The following PTPRD variants were observed in gnomAD, a reference collection of about 807,000 sequenced individuals.
The protein encoded by PTPRD is receptor-type tyrosine-protein phosphatase delta.
A neutral mutation model predicts 214.5 loss-of-function variants in PTPRD; 34 were observed. That is an observed-to-expected ratio of 0.16 (90% CI 0.12 to 0.21). The LOEUF is 0.21. Ranked by LOEUF, PTPRD falls within the 10% of genes least tolerant of loss-of-function variation. PTPRD has a pLI of 1.00. For missense variants in PTPRD, 2,545 were observed against 2,398.7 expected, an observed-to-expected ratio of 1.06 and a Z score of -1.27; for synonymous variants, 1,128 against 845.7, an observed-to-expected ratio of 1.33 and a Z score of -5.79.
intron 10 of PTPRD, among the ~76,000 whole-genome samples, chr9:9,106,462 T>A (rs2099798688): frequency 6.6e-6 from 1 of 151,680 alleles, no homozygotes; most frequent in African/African-American, 2.4e-5. Flanking sequence ...TAAATATGCC[T>A]AAAGTTAATA....
chr9:10,355,307 A>T (rs2097256461), intron 2 of PTPRD, among the ~76,000 whole-genome samples: 1 of 152,102 alleles, frequency 6.6e-6, no homozygotes, highest in Non-Finnish European at 1.5e-5. Context: ...TTGGTCAACT[A>T]AATTTGGGAA....
chr9:9,190,772 T>C (rs1162710017), intron 9 of PTPRD, among the ~76,000 whole-genome samples: 2 of 152,082 alleles, frequency 1.3e-5, no homozygotes, highest in South Asian at 2.1e-4. Context: ...CCATGATAGA[T>C]AAGTGGTGTG....
At chr9:9,743,731 T>TACGCACAC (rs1554959143) in intron 6 of PTPRD, among the ~76,000 whole-genome samples, 1 of 80,430 alleles carries the variant, frequency 1.2e-5, no homozygotes, top group Non-Finnish European at 2.3e-5. Context: ...ACTCAGTCTA[T>TACGCACAC]ACACACACAC....
At chr9:8,983,045 G>GA (rs1389078234) in intron 11 of PTPRD, among the ~76,000 whole-genome samples, 1 of 151,652 alleles carries the variant, frequency 6.6e-6, no homozygotes, top group Non-Finnish European at 1.5e-5. Context: ...ATGTACTGTG[G>GA]AAAAAAATCT....
At chr9:10,042,168 T>G (rs1467293240) in intron 3 of PTPRD, among the ~76,000 whole-genome samples, 2 of 151,972 alleles carry the variant, frequency 1.3e-5, no homozygotes, top group Non-Finnish European at 2.9e-5. Flanking sequence ...TGTAGGCATA[T>G]AAAAGATAAG....
chr9:8,529,727 A>G lies in PTPRD; in HGVS notation c.353-948T>C, dbSNP rs540937015. Among the ~76,000 whole-genome samples, 8 of 152,282 alleles carry G rather than the reference A, an allele frequency of 5.3e-5. No homozygotes were observed. The East Asian group carries it at 1.5e-3, about 29-fold the overall frequency. On this transcript the variant is annotated intron_variant, in intron 14 of 45. Coordinates refer to ENST00000381196, the MANE Select transcript of PTPRD (RefSeq NM_002839.4). Reference sequence around the variant, plus strand: ...AAAGGTGTGTTCTATCTAAGCATCGAAAGAATTTTAGTTAGATGGGTGGCA... The same window carrying G: ...AAAGGTGTGTTCTATCTAAGCATCGGAAGAATTTTAGTTAGATGGGTGGCA...
chr9:8,984,685 C>G (rs1229929878), intron 11 of PTPRD, among the ~76,000 whole-genome samples: 3 of 152,106 alleles, frequency 2.0e-5, no homozygotes, highest in African/African-American at 7.2e-5. Flanking sequence ...CAGAAGTCAT[C>G]TGCAGCCTTG....
chr9:9,351,306 C>T (rs1053921384), intron 9 of PTPRD, among the ~76,000 whole-genome samples: 1 of 152,014 alleles, frequency 6.6e-6, no homozygotes, highest in African/African-American at 2.4e-5. Flanking sequence ...CACAGAATAA[C>T]TGGCACCTGA....
At chr9:9,815,470 G>T (rs2761739) in intron 5 of PTPRD, among the ~76,000 whole-genome samples, 82,439 of 151,830 alleles carry the variant, frequency 0.54, 25,765 homozygotes, top group East Asian at 0.88. Flanking sequence ...GATTTTTTTA[G>T]ATGACACCGA....
At chr9:9,124,453 G>C (rs1250409401) in intron 10 of PTPRD, among the ~76,000 whole-genome samples, 1 of 151,956 alleles carries the variant, frequency 6.6e-6, no homozygotes, top group Admixed American at 6.6e-5. Flanking sequence ...AATATGGTTG[G>C]TCAAAGACAG....
intron 9 of PTPRD, among the ~76,000 whole-genome samples, chr9:9,333,512 A>ATATATATATATATATATATATATG (rs1162504359): frequency 1.4e-5 from 2 of 145,862 alleles, no homozygotes; most frequent in African/African-American, 5.1e-5. Flanking sequence ...TATTATATAT[A>ATATATATATATATATATATATATG]TATATATATA....
intron 2 of PTPRD, among the ~76,000 whole-genome samples, chr9:10,372,677 T>C (rs560790503): frequency 1.3e-5 from 2 of 151,990 alleles, no homozygotes; most frequent in African/African-American, 2.4e-5. Flanking sequence ...ATAGTGAGTA[T>C]GTTACAAAAT....
chr9:9,240,757 A>G (rs2099969974), intron 9 of PTPRD, among the ~76,000 whole-genome samples: 1 of 152,186 alleles, frequency 6.6e-6, no homozygotes, highest in African/African-American at 2.4e-5. Flanking sequence ...CTAGAAGTCT[A>G]TACTTCTAAT....
In PTPRD at chr9:9,163,507, C is replaced by A. The variant is rs555504507; in HGVS notation, c.-143+19797G>T. 6.6e-5 allele frequency among the ~76,000 whole-genome samples: 10 copies of A among 152,070 alleles called. No individual in the cohort carries two copies. In the East Asian group the frequency reaches 1.9e-3, roughly 29 times the overall value. Reference sequence around the variant, plus strand: ...TTCTCTTTATTGCTACAGCCACCACCGAGATCCAAGCCAATACTATGTATT... The same window carrying A: ...TTCTCTTTATTGCTACAGCCACCACAGAGATCCAAGCCAATACTATGTATT... On this transcript the variant is annotated intron_variant, in intron 10 of 45. Transcript: ENST00000381196.
chr9:8,738,860 C>T (rs1294866694), intron 11 of PTPRD, among the ~76,000 whole-genome samples: 1 of 152,058 alleles, frequency 6.6e-6, no homozygotes, highest in African/African-American at 2.4e-5. Context: ...TCATAACAAA[C>T]CCATCCTCTC....
chr9:9,782,249 T>C (rs1237145408), intron 5 of PTPRD, among the ~76,000 whole-genome samples: 1 of 152,190 alleles, frequency 6.6e-6, no homozygotes, highest in Non-Finnish European at 1.5e-5. Context: ...AAACACTCCC[T>C]GGATGTCATA....
At chr9:9,600,889 G>A (rs536893531) in intron 7 of PTPRD, among the ~76,000 whole-genome samples, 1 of 151,900 alleles carries the variant, frequency 6.6e-6, no homozygotes, top group Non-Finnish European at 1.5e-5. Flanking sequence ...TTTTCTACTT[G>A]TATATTTCAT....
chr9:8,919,930 G>A (rs532270236), intron 11 of PTPRD, among the ~76,000 whole-genome samples: 13 of 129,226 alleles, frequency 1.0e-4, no homozygotes, highest in African/African-American at 2.8e-4. Context: ...GCATGTGCAT[G>A]CATGTATGCA....
intron 3 of PTPRD, among the ~76,000 whole-genome samples, chr9:10,115,045 GA>G (rs5896372): frequency 0.14 from 20,011 of 145,190 alleles, 1,402 homozygotes; most frequent in South Asian, 0.28. Flanking sequence ...AAAAAAACGA[GA>G]AAAAAAAAAC....
Sources: gnomAD v4.1 joint callset for allele counts (sites outside exome capture counted in the v4.1 genomes callset) on GRCh38, gnomAD v4.1.1 for gene constraint, MANE v1.5 for transcripts, NCBI Gene and HGNC (gene_info 2026-07-23, HGNC 2026-07-21) for gene names.